Variants in JMJD1C observed in about 807,000 individuals in gnomAD.
JMJD1C encodes jumonji domain containing 1C, also known as jumonji domain-containing protein 1C.
JMJD1C carries 31 observed loss-of-function variants against 245.3 expected under a neutral mutation model. That is an observed-to-expected ratio of 0.13 (90% CI 0.09 to 0.17). The LOEUF is 0.17. JMJD1C is among the 10% of genes least tolerant of loss of function. The pLI is 1.00. For missense variants in JMJD1C, 2,691 were observed against 3,000.2 expected (o/e 0.90, Z 2.41); for synonymous variants, 1,057 against 1,017.4 (o/e 1.04, Z -0.74).
At chr10:63,203,114 C>T (rs1221540484) in intron 10 of JMJD1C, 2 of 984,898 alleles carry the variant, frequency 2.0e-6, no homozygotes, top group Non-Finnish European at 2.4e-6. Flanking sequence ...AGTACAAAGA[C>T]ATTAAGGCCC....
chr10:63,270,904 T>C (rs1424343902), intron 2 of JMJD1C, among the ~76,000 whole-genome samples: 1 of 152,176 alleles, frequency 6.6e-6, no homozygotes, highest in African/African-American at 2.4e-5. Flanking sequence ...GTTATGTCTA[T>C]TAATTTGTCA....
At chr10:63,307,317 C>T (rs1165451585) in intron 2 of JMJD1C, among the ~76,000 whole-genome samples, 1 of 152,110 alleles carries the variant, frequency 6.6e-6, no homozygotes, top group Non-Finnish European at 1.5e-5. Context: ...CAGTATATTT[C>T]AATGTTTCAT....
chr10:63,220,023 T>C (rs765611524), intron 3 of JMJD1C, 40 bp from the exon 4 acceptor site: 13 of 1,435,404 alleles, frequency 9.1e-6, no homozygotes, highest in Non-Finnish European at 1.3e-5. Flanking sequence ...TGTTACGCTC[T>C]CCTACCATTA....
chr10:63,411,625 C>T (rs1175168588), intron 1 of JMJD1C, among the ~76,000 whole-genome samples: 4 of 107,190 alleles, frequency 3.7e-5, no homozygotes, highest in African/African-American at 1.0e-4. Context: ...TTTTTTGAGG[C>T]GGAGTGTTAC....
intron 2 of JMJD1C, among the ~76,000 whole-genome samples, chr10:63,307,122 T>C (rs1317736956): frequency 6.6e-6 from 1 of 152,186 alleles, no homozygotes; most frequent in Non-Finnish European, 1.5e-5. Context: ...TTACAGTGGT[T>C]GGTGTCCACA....
intron 1 of JMJD1C, among the ~76,000 whole-genome samples, chr10:63,406,880 TC>T (rs1450010921): frequency 6.6e-6 from 1 of 152,086 alleles, no homozygotes; most frequent in African/African-American, 2.4e-5. Context: ...AATGTAGGAC[TC>T]AAAGAATAAT....
chr10:63,282,440 A>T (rs7909382), intron 2 of JMJD1C, among the ~76,000 whole-genome samples: 1 of 152,200 alleles, frequency 6.6e-6, no homozygotes, highest in African/African-American at 2.4e-5. Flanking sequence ...ACTTATGCCG[A>T]TATTTTGACA....
At chr10:63,294,231 T>C (rs1859109553) in intron 2 of JMJD1C, among the ~76,000 whole-genome samples, 1 of 152,106 alleles carries the variant, frequency 6.6e-6, no homozygotes, top group Non-Finnish European at 1.5e-5. Flanking sequence ...TTTACATTTA[T>C]TCTCGTCTAA....
At chr10:63,471,900 T>C (rs1402426268) in intron 1 of JMJD1C, among the ~76,000 whole-genome samples, 1 of 152,130 alleles carries the variant, frequency 6.6e-6, no homozygotes, top group Non-Finnish European at 1.5e-5. Context: ...TAGCTGGGCA[T>C]GGTGGCACAT....
intron 2 of JMJD1C, among the ~76,000 whole-genome samples, chr10:63,371,342 T>A (rs944932886): frequency 6.6e-6 from 1 of 152,148 alleles, no homozygotes; most frequent in Non-Finnish European, 1.5e-5. Flanking sequence ...TTACTTAAAT[T>A]TTCTCTACAT....
chr10:63,329,118 C>CA (rs1279765546), intron 2 of JMJD1C, among the ~76,000 whole-genome samples: 1 of 151,656 alleles, frequency 6.6e-6, no homozygotes. Context: ...CCCGTTTCTA[C>CA]AAAAAATACA....
chr10:63,203,481 T>A, intron 10 of JMJD1C: 1 of 984,914 alleles, frequency 1.0e-6, no homozygotes, highest in Non-Finnish European at 1.2e-6. Flanking sequence ...GCCACCCCCT[T>A]AAAAAATATT....
At chr10:63,414,222 G>A (rs985890919) in intron 1 of JMJD1C, among the ~76,000 whole-genome samples, 4 of 151,982 alleles carry the variant, frequency 2.6e-5, no homozygotes, top group African/African-American at 7.3e-5. Flanking sequence ...TCCTGACCTC[G>A]TGATCTGCCT....
At chr10:63,261,022 TA>T (rs781483903) in intron 3 of JMJD1C, among the ~76,000 whole-genome samples, 15 of 152,132 alleles carry the variant, frequency 9.9e-5, no homozygotes, top group Non-Finnish European at 1.6e-4. Flanking sequence ...CCTTCCCCCC[TA>T]CTTCAAAGAA....
intron 2 of JMJD1C, among the ~76,000 whole-genome samples, chr10:63,339,976 C>T (rs897801441): frequency 2.6e-5 from 4 of 152,170 alleles, no homozygotes; most frequent in African/African-American, 9.7e-5. Context: ...AGGAGAAATG[C>T]TTGAACCCAG....
chr10:63,487,375 G>A (rs905717899), intron 1 of JMJD1C, among the ~76,000 whole-genome samples: 5 of 152,198 alleles, frequency 3.3e-5, no homozygotes, highest in African/African-American at 1.2e-4. Flanking sequence ...CTCCCCTTGG[G>A]ACATTTGGCA....
At position 63,214,651 on chromosome 10, in the gene JMJD1C, G is replaced by A. The variant is rs1847769670; in HGVS notation, c.1516C>T (p.Pro506Ser). ...TTTGTAATATCAATAACACATTTTG[G>A]TGTGGGTGGTCTGGATACAAACTTC... is the stretch of plus-strand genomic sequence containing the variant. ...KEKFVSRPPT[P>S]KCVIDITNDT... The change falls in exon 8 of 26, where the codon CCA becomes TCA. Residue 506 changes from proline (P) to serine (S), a missense_variant. Physicochemically the swap from Pro to Ser is moderately conservative, Grantham distance 74 (BLOSUM62 -1). Around this residue, in one of 9 missense-constraint regions of JMJD1C, gnomAD observed 1,562 missense variants for 1,490.7 expected, o/e 1.05. Coordinates refer to ENST00000399262, the MANE Select transcript of JMJD1C (RefSeq NM_032776.3). 6.2e-7 allele frequency: 1 copy of A among 1,613,944 alleles called. No individual in the cohort carries two copies.
chr10:63,386,801 C>G (rs1307469651), intron 1 of JMJD1C, among the ~76,000 whole-genome samples: 1 of 152,162 alleles, frequency 6.6e-6, no homozygotes, highest in East Asian at 1.9e-4. Context: ...AGTAACCTGC[C>G]CACTCATTCA....
chr10:63,432,779 A>C (rs12762599), intron 1 of JMJD1C, among the ~76,000 whole-genome samples: 30,693 of 152,204 alleles, frequency 0.2, 4,060 homozygotes, highest in Non-Finnish European at 0.29. Flanking sequence ...CAGCCATAAG[A>C]AGCATACAAC....
Sources: gnomAD v4.1 joint callset for allele counts (sites outside exome capture counted in the v4.1 genomes callset) on GRCh38, gnomAD v4.1.1 for gene constraint, gnomAD v4.1.1 regional missense constraint, MANE v1.5 for transcripts, NCBI Gene and HGNC (gene_info 2026-07-23, HGNC 2026-07-21) for gene names.